The following CFAP96 variants were observed in gnomAD, a reference collection of about 807,000 sequenced individuals.
CFAP96 encodes the protein cilia and flagella associated protein 96, also known as cilia-and flagella-associated protein 96.
the CFAP96 span, among the ~76,000 whole-genome samples, chr4:185,432,810 C>T: frequency 6.6e-6 from 1 of 151,352 alleles, no homozygotes. Context: ...TTACAGTGAG[C>T]TATGATTGAG....
the CFAP96 span, among the ~76,000 whole-genome samples, chr4:185,426,583 T>A: frequency 1.3e-5 from 2 of 152,212 alleles, no homozygotes; most frequent in African/African-American, 4.8e-5. Context: ...ATGCTCTATT[T>A]TCTTGTCTAA....
chr4:185,426,820 T>C, the CFAP96 span, among the ~76,000 whole-genome samples: 1 of 138,842 alleles, frequency 7.2e-6, no homozygotes, highest in Admixed American at 8.0e-5. Context: ...TCACCTGCGC[T>C]CACGAGTTCG....
chr4:185,430,287 C>G, the CFAP96 span, among the ~76,000 whole-genome samples: 16 of 152,252 alleles, frequency 1.1e-4, no homozygotes, highest in Admixed American at 1.0e-3. Context: ...TATCCAATTA[C>G]TTCTACATAA....
the CFAP96 span, chr4:185,436,326 C>A: frequency 1.3e-6 from 2 of 1,550,730 alleles, no homozygotes; most frequent in South Asian, 2.4e-5. Flanking sequence ...CACACTCTGC[C>A]GACTTCTATG....
At chr4:185,414,612 C>T in the CFAP96 span, among the ~76,000 whole-genome samples, 1 of 152,218 alleles carries the variant, frequency 6.6e-6, no homozygotes, top group African/African-American at 2.4e-5. Flanking sequence ...AGGTTCTAAG[C>T]GAGTCCACAT....
At chr4:185,415,008 TTAAA>T in the CFAP96 span, 1 of 650,332 alleles carries the variant, frequency 1.5e-6, no homozygotes, top group Non-Finnish European at 2.4e-6. Context: ...AGAACAGAAA[TTAAA>T]TAATGTGTAA....
At chr4:185,422,394 C>T in the CFAP96 span, 2 of 908,214 alleles carry the variant, frequency 2.2e-6, no homozygotes, top group East Asian at 2.6e-5. Flanking sequence ...TTCATCCTAT[C>T]TCTCTCTCAG....
the CFAP96 span, among the ~76,000 whole-genome samples, chr4:185,423,009 C>T: frequency 1.3e-5 from 2 of 152,194 alleles, no homozygotes; most frequent in East Asian, 1.9e-4. Flanking sequence ...CAGGCATACA[C>T]CACCACGCCT....
the CFAP96 span, among the ~76,000 whole-genome samples, chr4:185,433,579 G>A: frequency 1.3e-5 from 2 of 151,834 alleles, no homozygotes. Flanking sequence ...AGTAGGCAAC[G>A]TCAGCCAAAA....
At chr4:185,411,212 AATAACTT>A in the CFAP96 span, among the ~76,000 whole-genome samples, 2 of 151,956 alleles carry the variant, frequency 1.3e-5, no homozygotes, top group Non-Finnish European at 2.9e-5. Context: ...AACCTAGGTA[AATAACTT>A]ATAAAAATCA....
chr4:185,421,334 G>C, the CFAP96 span, among the ~76,000 whole-genome samples: 1 of 152,312 alleles, frequency 6.6e-6, no homozygotes, highest in Admixed American at 6.5e-5. Flanking sequence ...ATATAGTTTT[G>C]ATGTCTGTCC....
chr4:185,421,219 T>G, the CFAP96 span, among the ~76,000 whole-genome samples: 12 of 152,340 alleles, frequency 7.9e-5, 1 homozygote, highest in Admixed American at 7.8e-4. Context: ...AATTTATTAG[T>G]TGAAGGGATG....
At chr4:185,420,022 C>A in the CFAP96 span, among the ~76,000 whole-genome samples, 2 of 152,240 alleles carry the variant, frequency 1.3e-5, no homozygotes, top group East Asian at 3.9e-4. Flanking sequence ...TTTTATATTC[C>A]CATCAGTAAT....
the CFAP96 span, chr4:185,429,503 A>G: frequency 3.3e-6 from 5 of 1,518,832 alleles, no homozygotes; most frequent in East Asian, 2.5e-5. Flanking sequence ...TATGTGTCAC[A>G]ATTTAATCGT....
the CFAP96 span, among the ~76,000 whole-genome samples, chr4:185,423,546 G>T: frequency 8.0e-6 from 1 of 124,742 alleles, no homozygotes; most frequent in African/African-American, 2.5e-5. Flanking sequence ...TAACCTAACT[G>T]CCAACAATAG....
At chr4:185,434,193 C>T in the CFAP96 span, among the ~76,000 whole-genome samples, 1 of 152,048 alleles carries the variant, frequency 6.6e-6, no homozygotes, top group Non-Finnish European at 1.5e-5. Flanking sequence ...CACTGCACTG[C>T]AGCCTGGGCA....
At chr4:185,412,618 A>G in the CFAP96 span, among the ~76,000 whole-genome samples, 21 of 152,188 alleles carry the variant, frequency 1.4e-4, no homozygotes, top group Non-Finnish European at 2.8e-4. Context: ...CAGCTGAGGA[A>G]GAACAGGAAA....
At chr4:185,418,604 G>A in the CFAP96 span, 1 of 1,613,306 alleles carries the variant, frequency 6.2e-7, no homozygotes, top group South Asian at 1.1e-5. Flanking sequence ...AGCGCAGTAT[G>A]TTCTTACAAG....
At chr4:185,447,338 C>T in the CFAP96 span, among the ~76,000 whole-genome samples, 54 of 152,010 alleles carry the variant, frequency 3.6e-4, no homozygotes, top group East Asian at 1.4e-3. Context: ...CCCGCCACCA[C>T]GCCCGGCTAA....
Sources: allele counts gnomAD v4.1 joint callset (sites outside exome capture counted in the v4.1 genomes callset), GRCh38; gene constraint gnomAD v4.1.1; transcripts MANE v1.5; gene names NCBI Gene and HGNC (gene_info 2026-07-23, HGNC 2026-07-21).